The following MAP3K20 variants were observed in gnomAD, a reference collection of about 807,000 sequenced individuals.
The protein encoded by MAP3K20 is mitogen-activated protein kinase kinase kinase 20, also known as HCCS-4.
MAP3K20 carries 40 observed loss-of-function variants against 85.7 expected under a neutral mutation model. The ratio of observed to expected loss-of-function variants is 0.47; its 90% CI spans 0.36 to 0.61. The LOEUF (loss-of-function observed/expected upper bound fraction) is 0.61. MAP3K20 is among the 20% of genes least tolerant of loss of function. The pLI, the probability that MAP3K20 is intolerant of heterozygous loss-of-function variation, is 0.00. For synonymous variants in MAP3K20, 325 were observed against 327.7 expected (o/e 0.99, Z 0.09); for missense variants, 817 against 961.7 (o/e 0.85, Z 1.99).
At chr2:173,089,942 A>G (rs1356167264) in intron 1 of MAP3K20, among the ~76,000 whole-genome samples, 1 of 152,178 alleles carries the variant, frequency 6.6e-6, no homozygotes, top group Non-Finnish European at 1.5e-5. Flanking sequence ...AAAAACTTTC[A>G]TGACATTCAT....
At chr2:173,184,958 G>A (rs1690441374) in intron 4 of MAP3K20, among the ~76,000 whole-genome samples, 2 of 151,006 alleles carry the variant, frequency 1.3e-5, no homozygotes, top group South Asian at 4.2e-4. Context: ...TAAGGAAGGA[G>A]AGGCCAGGCA....
intron 2 of MAP3K20, among the ~76,000 whole-genome samples, chr2:173,137,700 A>T (rs147381555): frequency 1.3e-5 from 2 of 152,182 alleles, no homozygotes; most frequent in Non-Finnish European, 2.9e-5. Flanking sequence ...AAGGGAATCT[A>T]TGAGCAGAAA....
At chr2:173,255,081 T>C (rs1685127888) in intron 16 of MAP3K20, among the ~76,000 whole-genome samples, 1 of 152,234 alleles carries the variant, frequency 6.6e-6, no homozygotes, top group South Asian at 2.1e-4. Flanking sequence ...ATGGTTCAGG[T>C]AAAAGCCTTT....
At chr2:173,254,850 G>A (rs919933279) in intron 16 of MAP3K20, among the ~76,000 whole-genome samples, 7 of 152,212 alleles carry the variant, frequency 4.6e-5, no homozygotes, top group Non-Finnish European at 7.3e-5. Context: ...ACTAGGCAAC[G>A]ATGACATCAT....
At chr2:173,236,266 TAAAA>T (rs67764486) in intron 14 of MAP3K20, among the ~76,000 whole-genome samples, 3,141 of 64,694 alleles carry the variant, frequency 0.049, 46 homozygotes, top group South Asian at 0.14. Context: ...AGACCCTGTC[TAAAA>T]AAAAAAAAAA....
At chr2:173,093,275 G>C (rs998996759) in intron 2 of MAP3K20, among the ~76,000 whole-genome samples, 1 of 152,174 alleles carries the variant, frequency 6.6e-6, no homozygotes, top group African/African-American at 2.4e-5. Flanking sequence ...CAAATTTATA[G>C]ATCCAGTTCC....
intron 2 of MAP3K20, among the ~76,000 whole-genome samples, chr2:173,112,090 C>T (rs569230710): frequency 9.2e-5 from 14 of 152,210 alleles, no homozygotes; most frequent in South Asian, 2.1e-4. Flanking sequence ...TGATTTCTTT[C>T]GGCAGTGATT....
chr2:173,160,646 A>T (rs771062530), intron 2 of MAP3K20, among the ~76,000 whole-genome samples: 44 of 152,226 alleles, frequency 2.9e-4, no homozygotes, highest in Admixed American at 6.5e-4. Context: ...TTCCTGAAAG[A>T]TCTAGCTGTT....
chr2:173,216,185 C>T (rs1274621109), intron 10 of MAP3K20, among the ~76,000 whole-genome samples: 1 of 152,160 alleles, frequency 6.6e-6, no homozygotes, highest in African/African-American at 2.4e-5. Context: ...ATTGCAACAG[C>T]CCTAAAGGAG....
rs753915677 is a variant in MAP3K20 at position 173,198,155 on chromosome 2, A to C, written c.669+43A>C. 6.5e-6 allele frequency: 10 copies of C among 1,544,436 alleles called. No individual in the cohort carries two copies. In the South Asian group the frequency reaches 1.2e-4, roughly 18 times the overall value. The stretch of plus-strand genomic sequence containing the variant: ...CATTCAGGTACATAGATCAGAAAAC[A>C]GTATTGGGGTTTTGCAAAAGACTTT... On this transcript the variant is annotated intron_variant, in intron 8 of 19. Coordinates refer to ENST00000375213, the MANE Select transcript of MAP3K20 (RefSeq NM_016653.3). This position sits in a 1 kb window ranked among gnomAD's most constrained non-coding sequence, Gnocchi z 5.8.
intron 2 of MAP3K20, among the ~76,000 whole-genome samples, chr2:173,142,748 A>G (rs894228429): frequency 6.6e-6 from 1 of 152,248 alleles, no homozygotes; most frequent in Non-Finnish European, 1.5e-5. Context: ...CAAAAAACAA[A>G]TAGAACGAAT....
intron 2 of MAP3K20, among the ~76,000 whole-genome samples, chr2:173,138,028 C>T (rs1320119654): frequency 1.3e-5 from 2 of 152,068 alleles, no homozygotes; most frequent in African/African-American, 2.4e-5. Flanking sequence ...TGTGCAGTGG[C>T]GTGATCTCGG....
chr2:173,096,290 A>G (rs551272069), intron 2 of MAP3K20, among the ~76,000 whole-genome samples: 10 of 151,928 alleles, frequency 6.6e-5, no homozygotes, highest in African/African-American at 2.4e-4. Context: ...GAAAAATTCA[A>G]TTTAAAAAAG....
rs943159199 is a variant in MAP3K20 at position 173,237,422 on chromosome 2, G to T, written c.1204-951G>T. On this transcript the variant is annotated intron_variant, in intron 14 of 19. Transcript: ENST00000375213. The stretch of plus-strand genomic sequence containing the variant: ...CTGCAAGCCCTCGTGTGGAGGAGTA[G>T]AGTGTAAGAAGTAGGACTGAACACC... Among the ~76,000 whole-genome samples the T allele has an allele frequency of 1.7e-4, 26 of 152,098 alleles. 1 individual carries two copies. The highest frequency in any genetic ancestry group is 1.5e-5 in the Non-Finnish European group (1 of 68,018).
At chr2:173,257,153 G>C (rs917536635) in intron 16 of MAP3K20, among the ~76,000 whole-genome samples, 3 of 152,094 alleles carry the variant, frequency 2.0e-5, no homozygotes, top group South Asian at 2.1e-4. Flanking sequence ...GACAGAGCAA[G>C]ACCCTGTCTC....
At chr2:173,195,030 T>G (rs1233199097) in intron 7 of MAP3K20, among the ~76,000 whole-genome samples, 1 of 152,034 alleles carries the variant, frequency 6.6e-6, no homozygotes, top group Non-Finnish European at 1.5e-5. Context: ...GGCAATTGTT[T>G]CCCTCCATTT....
intron 2 of MAP3K20, among the ~76,000 whole-genome samples, chr2:173,126,983 A>G (rs1331718178): frequency 6.6e-6 from 1 of 152,188 alleles, no homozygotes; most frequent in African/African-American, 2.4e-5. Context: ...TAAGTTCCCC[A>G]CCAAACCACA....
At chr2:173,188,573 T>G (rs1000399620) in intron 5 of MAP3K20, among the ~76,000 whole-genome samples, 4 of 151,496 alleles carry the variant, frequency 2.6e-5, no homozygotes, top group African/African-American at 9.7e-5. Context: ...CCCTTGCACG[T>G]GCCTCAGGAC....
At chr2:173,105,005 C>T (rs976110395) in intron 2 of MAP3K20, among the ~76,000 whole-genome samples, 2 of 152,032 alleles carry the variant, frequency 1.3e-5, no homozygotes, top group South Asian at 4.1e-4. Flanking sequence ...AGAGGTTGGG[C>T]CAGAGAGGCA....
Sources: gnomAD v4.1 joint callset for allele counts (sites outside exome capture counted in the v4.1 genomes callset) on GRCh38, gnomAD v4.1.1 for gene constraint, Gnocchi (gnomAD v3.1) non-coding constraint, MANE v1.5 for transcripts, NCBI Gene and HGNC (gene_info 2026-07-23, HGNC 2026-07-21) for gene names.